Variants in LPP observed in about 807,000 individuals in gnomAD.
LPP encodes the protein LIM domain containing preferred translocation partner in lipoma.
Under a neutral mutation model 60.4 loss-of-function variants are expected in LPP, and 38 were observed. The observed-to-expected ratio is 0.63, with a 90% CI of 0.49 to 0.83. LPP has a LOEUF of 0.83. LPP is among the 40% of genes least tolerant of loss of function. LPP has a pLI of 0.00. For synonymous variants in LPP, 328 were observed against 290.8 expected (o/e 1.13, Z -1.30); for missense variants, 902 against 783.6 (o/e 1.15, Z -1.80).
chr3:188,756,786 AAAT>A (rs992727978), intron 8 of LPP, among the ~76,000 whole-genome samples: 1 of 152,308 alleles, frequency 6.6e-6, no homozygotes, highest in Middle Eastern at 3.4e-3. Context: ...AGAATAGAAA[AAAT>A]AATGAGAGGC....
intron 6 of LPP, among the ~76,000 whole-genome samples, chr3:188,577,870 C>T (rs965008582): frequency 7.4e-6 from 1 of 135,824 alleles, no homozygotes; most frequent in Non-Finnish European, 1.6e-5. Flanking sequence ...TTTTCCTCTC[C>T]CCCTTCTGTC....
At chr3:188,559,154 C>A (rs1201364724) in intron 6 of LPP, among the ~76,000 whole-genome samples, 2 of 152,008 alleles carry the variant, frequency 1.3e-5, no homozygotes, top group Non-Finnish European at 2.9e-5. Context: ...GCTCTTGCAG[C>A]CAAGCATCCT....
intron 6 of LPP, among the ~76,000 whole-genome samples, chr3:188,565,277 A>G (rs1056843335): frequency 5.9e-5 from 9 of 152,100 alleles, no homozygotes; most frequent in African/African-American, 9.6e-5. Context: ...ACAACATTGT[A>G]TGTACTTCTC....
intron 8 of LPP, among the ~76,000 whole-genome samples, chr3:188,743,055 T>G (rs1204158846): frequency 1.3e-5 from 2 of 152,086 alleles, no homozygotes; most frequent in Non-Finnish European, 2.9e-5. Context: ...GTGTACATAG[T>G]GCTTTGATTT....
chr3:188,796,892 A>G (rs1745520696), intron 9 of LPP, among the ~76,000 whole-genome samples: 1 of 152,060 alleles, frequency 6.6e-6, no homozygotes, highest in African/African-American at 2.4e-5. Flanking sequence ...CTTCTTCACA[A>G]TCTTCAAAAT....
chr3:188,554,216 A>G (rs886719997), intron 6 of LPP: 2 of 152,090 alleles, frequency 1.3e-5, no homozygotes, highest in East Asian at 3.9e-4. Context: ...TCTGTGTTGT[A>G]GTTGATAATA....
chr3:188,493,018 A>G (rs189579821), intron 5 of LPP, among the ~76,000 whole-genome samples: 14 of 152,214 alleles, frequency 9.2e-5, no homozygotes, highest in South Asian at 2.1e-4. Context: ...TCTATTTACT[A>G]TCTTTTTCTT....
chr3:188,435,533 A>G (rs1792088103), intron 4 of LPP, among the ~76,000 whole-genome samples: 1 of 152,324 alleles, frequency 6.6e-6, no homozygotes, highest in South Asian at 2.1e-4. Context: ...GAAAGTAAAT[A>G]AGGAAATATA....
At chr3:188,661,844 T>C (rs989097972) in intron 7 of LPP, among the ~76,000 whole-genome samples, 1 of 152,150 alleles carries the variant, frequency 6.6e-6, no homozygotes, top group Admixed American at 6.6e-5. Context: ...TGATTTATCT[T>C]GGAGAACTCC....
At chr3:188,848,372 C>G (rs1203128365) in intron 9 of LPP, among the ~76,000 whole-genome samples, 2 of 152,212 alleles carry the variant, frequency 1.3e-5, no homozygotes, top group Non-Finnish European at 1.5e-5. Context: ...GGGTCCCTCT[C>G]TGATGCAGAT....
intron 9 of LPP, among the ~76,000 whole-genome samples, chr3:188,825,176 G>A (rs375934967): frequency 1.4e-3 from 206 of 151,484 alleles, no homozygotes; most frequent in African/African-American, 4.9e-3. Context: ...TGTCATTATG[G>A]TAAAGTCATA....
In LPP at chr3:188,609,623, G is replaced by A; in HGVS notation, c.892G>A (p.Glu298Lys). The A allele has an allele frequency of 6.2e-7, 1 of 1,614,180 alleles. No individual in the cohort carries two copies. The change falls in exon 7 of 12, where the codon GAA becomes AAA. Residue 298 changes from glutamate (E) to lysine (K), a missense_variant. Coordinates refer to ENST00000617246, the MANE Select transcript of LPP (RefSeq NM_001375462.1). The surrounding 1 kb of genome is among the most constrained non-coding windows in gnomAD (Gnocchi z 6.9). Reference protein sequence around the residue: ...GYAPNQGRYYEGYYAAGPGYG... With the variant: ...GYAPNQGRYYKGYYAAGPGYG... Reference sequence around the variant, plus strand: ...TGCCCCCAACCAGGGACGCTATTATGAAGGCTACTATGCAGCAGGGCCAGG... The same window carrying A: ...TGCCCCCAACCAGGGACGCTATTATAAAGGCTACTATGCAGCAGGGCCAGG...
intron 8 of LPP, chr3:188,712,771 G>A (rs1226336750): frequency 3.3e-5 from 5 of 152,070 alleles, no homozygotes; most frequent in Non-Finnish European, 7.3e-5. Context: ...TCATGCTGTA[G>A]ATCTCCTGCT....
At chr3:188,685,495 C>A (rs893418890) in intron 7 of LPP, among the ~76,000 whole-genome samples, 1 of 152,148 alleles carries the variant, frequency 6.6e-6, no homozygotes, top group African/African-American at 2.4e-5. Context: ...TCTGAGGGAC[C>A]TTGAGCCCCA....
intron 9 of LPP, among the ~76,000 whole-genome samples, chr3:188,779,449 T>TGTGCC (rs1486886781): frequency 1.3e-5 from 2 of 152,180 alleles, no homozygotes; most frequent in Non-Finnish European, 2.9e-5. Flanking sequence ...ACTCATCACA[T>TGTGCC]GTGCCGTTTG....
At chr3:188,771,583 G>GGAAGAAAA (rs796155310) in intron 9 of LPP, among the ~76,000 whole-genome samples, 1 of 149,940 alleles carries the variant, frequency 6.7e-6, no homozygotes, top group Non-Finnish European at 1.5e-5. Context: ...AAGAAAGAAA[G>GGAAGAAAA]GGAGAAAGAA....
intron 9 of LPP, among the ~76,000 whole-genome samples, chr3:188,803,952 T>C (rs1008164104): frequency 2.6e-5 from 4 of 152,006 alleles, no homozygotes; most frequent in Non-Finnish European, 4.4e-5. Flanking sequence ...ATGTCTGTAT[T>C]TATTTAGATT....
At chr3:188,373,442 TTTCTC>T (rs1326631976) in intron 3 of LPP, among the ~76,000 whole-genome samples, 1 of 152,272 alleles carries the variant, frequency 6.6e-6, no homozygotes, top group Non-Finnish European at 1.5e-5. Context: ...TTGATTTGCA[TTTCTC>T]TGATGGCCAG....
intron 9 of LPP, among the ~76,000 whole-genome samples, chr3:188,779,362 G>A (rs562540258): frequency 5.1e-4 from 78 of 152,218 alleles, no homozygotes; most frequent in African/African-American, 1.8e-3. Flanking sequence ...AGGAAGGGAC[G>A]TGCATCAGTG....
Sources: gnomAD v4.1 joint callset for allele counts (sites outside exome capture counted in the v4.1 genomes callset) on GRCh38, gnomAD v4.1.1 for gene constraint, Gnocchi (gnomAD v3.1) non-coding constraint, MANE v1.5 for transcripts, NCBI Gene and HGNC (gene_info 2026-07-23, HGNC 2026-07-21) for gene names.